Variants in KCNIP4 observed in about 807,000 individuals in gnomAD.
The protein encoded by KCNIP4 is Kv channel-interacting protein 4.
KCNIP4 carries 12 observed loss-of-function variants against 34.0 expected under a neutral mutation model. The ratio of observed to expected loss-of-function variants is 0.35; its 90% CI spans 0.23 to 0.57. The LOEUF is 0.57. Ranked by LOEUF, KCNIP4 falls within the 20% of genes least tolerant of loss-of-function variation. The pLI, the probability that KCNIP4 is intolerant of heterozygous loss-of-function variation, is 0.83. For missense variants in KCNIP4, 238 were observed against 311.7 expected (o/e 0.76, Z 1.78); for synonymous variants, 124 against 102.2 (o/e 1.21, Z -1.29).
rs1228892430 is a variant in KCNIP4 at position 21,519,245 on chromosome 4, T to C, written c.61+429326A>G. 3.3e-5 allele frequency among the ~76,000 whole-genome samples: 5 copies of C among 151,716 alleles called. No individual in the cohort carries two copies. In the South Asian group the frequency reaches 8.3e-4, roughly 25 times the overall value. On this transcript the variant is annotated intron_variant, in intron 1 of 8. Coordinates refer to ENST00000382152, the MANE Select transcript of KCNIP4 (RefSeq NM_025221.6). ...GGGAACTTTGTTGCTCTTTCACCCA[T>C]GTGAGGATACCTTGAGAAATCAGCC...
At chr4:21,153,515 G>A (rs866139869) in intron 1 of KCNIP4, among the ~76,000 whole-genome samples, 5 of 140,898 alleles carry the variant, frequency 3.5e-5, no homozygotes, top group East Asian at 2.1e-4. Context: ...ATGTGTGTGT[G>A]TATATATATA....
intron 4 of KCNIP4, among the ~76,000 whole-genome samples, chr4:20,755,013 AT>A (rs1389495361): frequency 1.3e-5 from 2 of 152,210 alleles, no homozygotes; most frequent in Middle Eastern, 3.2e-3. Flanking sequence ...GAGGTAGTTA[AT>A]TAATTCCCCA....
intron 1 of KCNIP4, among the ~76,000 whole-genome samples, chr4:21,122,473 T>C (rs1750248532): frequency 6.6e-6 from 1 of 151,924 alleles, no homozygotes; most frequent in Admixed American, 6.6e-5. Context: ...TTTTTTTTTT[T>C]TTTAAGTGCG....
intron 1 of KCNIP4, among the ~76,000 whole-genome samples, chr4:21,215,665 G>C (rs1181651678): frequency 6.6e-6 from 1 of 152,138 alleles, no homozygotes; most frequent in Non-Finnish European, 1.5e-5. Context: ...TACAGGATAG[G>C]TACTAGGTCA....
intron 1 of KCNIP4, among the ~76,000 whole-genome samples, chr4:21,246,254 G>A (rs541734257): frequency 1.1e-3 from 172 of 152,260 alleles, no homozygotes; most frequent in Non-Finnish European, 1.2e-3. Flanking sequence ...TGGCTTGCTG[G>A]AAGTTCTCTA....
At chr4:21,467,050 C>T (rs925163342) in intron 1 of KCNIP4, among the ~76,000 whole-genome samples, 1 of 141,732 alleles carries the variant, frequency 7.1e-6, no homozygotes, top group Non-Finnish European at 1.5e-5. Context: ...CAAACCAAAA[C>T]CAAACCAAAC....
At chr4:20,765,704 C>T (rs1156675704) in intron 3 of KCNIP4, among the ~76,000 whole-genome samples, 2 of 152,116 alleles carry the variant, frequency 1.3e-5, no homozygotes, top group Admixed American at 1.3e-4. Flanking sequence ...CTATGATGAC[C>T]ATTGCATTTC....
chr4:21,187,659 T>C (rs1205404590), intron 1 of KCNIP4, among the ~76,000 whole-genome samples: 1 of 152,138 alleles, frequency 6.6e-6, no homozygotes, highest in Non-Finnish European at 1.5e-5. Context: ...TAATGCCCTA[T>C]GGTTTTAGGG....
At chr4:21,137,288 A>G (rs1223302929) in intron 1 of KCNIP4, among the ~76,000 whole-genome samples, 2 of 152,216 alleles carry the variant, frequency 1.3e-5, no homozygotes, top group Admixed American at 6.5e-5. Flanking sequence ...ATCAAAAGAC[A>G]GCAGCAGTGA....
chr4:21,345,992 T>C (rs918845779), intron 1 of KCNIP4, among the ~76,000 whole-genome samples: 6 of 147,602 alleles, frequency 4.1e-5, no homozygotes, highest in Non-Finnish European at 7.4e-5. Flanking sequence ...GGGCTGACAC[T>C]TTGGAAAGGA....
At position 21,446,089 on chromosome 4, in the gene KCNIP4, G is replaced by A. The variant is rs183456216; in HGVS notation, c.61+502482C>T. 8.8e-4 allele frequency among the ~76,000 whole-genome samples: 133 copies of A among 151,924 alleles called. 1 individual carries two copies. Among genetic ancestry groups the A allele is most frequent in the East Asian group, 2.7e-3 (14 of 5,170 alleles). On this transcript the variant is annotated intron_variant, in intron 1 of 8. Coordinates refer to ENST00000382152, the MANE Select transcript of KCNIP4 (RefSeq NM_025221.6). ...CCACAATGAGATACCATCTCACACC[G>A]GTTAGAATGGCGATCATTAAAACGT...
At chr4:21,767,176 A>T (rs1218420214) in intron 1 of KCNIP4, among the ~76,000 whole-genome samples, 1 of 152,148 alleles carries the variant, frequency 6.6e-6, no homozygotes, top group African/African-American at 2.4e-5. Context: ...TGAGAAGGCC[A>T]TTATAACTGG....
chr4:21,281,062 T>C (rs1175807802), intron 1 of KCNIP4, among the ~76,000 whole-genome samples: 1 of 151,594 alleles, frequency 6.6e-6, no homozygotes, highest in Non-Finnish European at 1.5e-5. Context: ...TGATCTATTT[T>C]TAACAAAAAA....
chr4:21,328,562 CCCACAGTAA>C (rs1715316446), intron 1 of KCNIP4, among the ~76,000 whole-genome samples: 2 of 152,164 alleles, frequency 1.3e-5, no homozygotes, highest in Non-Finnish European at 2.9e-5. Context: ...TTGCCCAAGG[CCCACAGTAA>C]CCACTGCCTG....
At chr4:21,272,289 C>T (rs777526942) in intron 1 of KCNIP4, among the ~76,000 whole-genome samples, 10 of 152,126 alleles carry the variant, frequency 6.6e-5, no homozygotes, top group Non-Finnish European at 1.2e-4. Flanking sequence ...TTACCTAGCA[C>T]ATTACAAATG....
At chr4:20,884,004 C>T (rs866138498) in intron 1 of KCNIP4, among the ~76,000 whole-genome samples, 25 of 152,190 alleles carry the variant, frequency 1.6e-4, no homozygotes, top group African/African-American at 5.3e-4. Context: ...CTATTGGCCA[C>T]ACTACCCTTT....
rs1578424471 is a variant in KCNIP4, at chr4:20,734,588, A to G, written c.537+40T>C. 3.2e-6 allele frequency: 3 copies of G among 925,454 alleles called. No homozygotes were observed. In the East Asian group the frequency reaches 8.4e-5, roughly 26 times the overall value. 57.3% of individuals were successfully genotyped at this position (925,454 alleles called of 1,614,324 possible). The stretch of plus-strand genomic sequence containing the variant: ...AATATTTTAAAGTTAAGAAATGAAA[A>G]TGGTCCAAATTACTGTGATGTTGGT... On this transcript the variant is annotated intron_variant, in intron 6 of 8. Coordinates refer to ENST00000382152, the MANE Select transcript of KCNIP4 (RefSeq NM_025221.6).
intron 1 of KCNIP4, among the ~76,000 whole-genome samples, chr4:21,728,842 A>T (rs760317605): frequency 2.6e-5 from 4 of 152,066 alleles, no homozygotes; most frequent in Non-Finnish European, 4.4e-5. Flanking sequence ...CTCAAGATTC[A>T]ACTTTTCAAT....
chr4:21,195,472 C>T (rs929986742), intron 1 of KCNIP4, among the ~76,000 whole-genome samples: 3 of 152,284 alleles, frequency 2.0e-5, no homozygotes, highest in Admixed American at 6.5e-5. Flanking sequence ...AATGTCTCAG[C>T]ACTGATGTTC....
Sources: gnomAD v4.1 joint callset for allele counts (sites outside exome capture counted in the v4.1 genomes callset) on GRCh38, gnomAD v4.1.1 for gene constraint, MANE v1.5 for transcripts, NCBI Gene and HGNC (gene_info 2026-07-23, HGNC 2026-07-21) for gene names.